The following EPB41L2 variants were observed in gnomAD, a reference collection of about 807,000 sequenced individuals.
EPB41L2 encodes the protein erythrocyte membrane protein band 4.1 like 2.
In EPB41L2, 43 loss-of-function variants were observed where a neutral mutation model predicts 113.0. The observed-to-expected ratio is 0.38, with a 90% confidence interval of 0.30 to 0.49. The LOEUF is 0.49. Among genes scored for constraint, EPB41L2 ranks in the 20% least tolerant of loss-of-function variants. The pLI is 0.95. For missense variants in EPB41L2, 1,147 were observed against 1,223.4 expected (o/e 0.94, Z 0.93); for synonymous variants, 442 against 436.7 (o/e 1.01, Z -0.15).
rs138332627 is a variant in EPB41L2, at chr6:130,866,974, T to TTG, written c.2730+483_2730+484dup. On this transcript the variant is annotated intron_variant, in intron 16 of 19. Coordinates refer to ENST00000337057, the MANE Select transcript of EPB41L2 (RefSeq NM_001431.4). Reference sequence around the variant, plus strand: ...CACAGGTGTGTGTGCCTGTGTGTGTTTGTGTGTGTGTGTGTGTGTATGTGT... The same window carrying TTG: ...CACAGGTGTGTGTGCCTGTGTGTGTTTGTGTGTGTGTGTGTGTGTGTATGTGT... 7.6e-3 allele frequency among the ~76,000 whole-genome samples: 1,135 copies of TTG among 150,050 alleles called. 7 individuals carry two copies. Among genetic ancestry groups the TTG allele is most frequent in the Non-Finnish European group, 0.01 (683 of 67,268 alleles).
chr6:131,048,138 CAAAAAAAAAA>C (rs200522047), intron 1 of EPB41L2, among the ~76,000 whole-genome samples: 1 of 53,038 alleles, frequency 1.9e-5, no homozygotes, highest in African/African-American at 5.6e-5. Flanking sequence ...GACTCTGTCT[CAAAAAAAAAA>C]AAAAAAAAAG....
At chr6:130,855,169 C>T (rs1261114455) in intron 19 of EPB41L2, among the ~76,000 whole-genome samples, 40 of 41,624 alleles carry the variant, frequency 9.6e-4, no homozygotes, top group Non-Finnish European at 2.0e-3. Context: ...GCCAACATGG[C>T]GAAACCCTGT....
In EPB41L2 at chr6:130,870,176, A is replaced by C. The variant is rs558445531; in HGVS notation, c.2044-50T>G. Reference sequence around the variant, plus strand: ...GAAAACAAAAATATATGAATAAATAAAAACAACGGAAACCCAAATTAACCG... The same window carrying C: ...GAAAACAAAAATATATGAATAAATACAAACAACGGAAACCCAAATTAACCG... On this transcript the variant is annotated intron_variant, in intron 14 of 19. Coordinates refer to ENST00000337057, the MANE Select transcript of EPB41L2 (RefSeq NM_001431.4). 9.1e-5 allele frequency: 142 copies of C among 1,559,674 alleles called. 1 individual carries two copies. The African/African-American group carries it at 1.7e-3, about 19-fold the overall frequency.
intron 13 of EPB41L2, 130 bp from the exon 14 acceptor site, chr6:130,878,380 A>G: frequency 9.5e-7 from 1 of 1,054,142 alleles, no homozygotes; most frequent in South Asian, 1.7e-5. Flanking sequence ...AAGCAAGAAA[A>G]ATGCCAAGTC....
At chr6:131,045,398 T>C (rs1795261433) in intron 1 of EPB41L2, among the ~76,000 whole-genome samples, 1 of 152,102 alleles carries the variant, frequency 6.6e-6, no homozygotes, top group East Asian at 1.9e-4. Flanking sequence ...CAGAGATTCT[T>C]CTAAGTCACT....
chr6:130,887,531 T>C (rs913189114), intron 11 of EPB41L2, among the ~76,000 whole-genome samples: 50 of 152,350 alleles, frequency 3.3e-4, no homozygotes, highest in African/African-American at 1.2e-3. Flanking sequence ...TCCAAGGCCC[T>C]GCATGATCTG....
chr6:130,924,858 G>A (rs756423883), intron 4 of EPB41L2, among the ~76,000 whole-genome samples: 8 of 152,124 alleles, frequency 5.3e-5, no homozygotes, highest in Admixed American at 3.9e-4. Context: ...TAACACACAC[G>A]TAATAAATAG....
chr6:131,009,261 T>G (rs2128723127), intron 1 of EPB41L2, among the ~76,000 whole-genome samples: 1 of 152,296 alleles, frequency 6.6e-6, no homozygotes, highest in South Asian at 2.1e-4. Context: ...TCGGCACTCA[T>G]TCACTCTCCT....
rs576670830 is a variant in EPB41L2, at chr6:130,876,840, A to G, written c.2043+1264T>C. 4.2e-5 allele frequency: 42 copies of G among 1,010,474 alleles called. No homozygotes were observed. In the East Asian group the frequency reaches 2.4e-3, roughly 57 times the overall value. 62.6% of individuals were successfully genotyped at this position (1,010,474 alleles called of 1,614,324 possible). Reference sequence around the variant, plus strand: ...ACATACATTACACCTATAGCAACACAAACACAAAATACTGACCCAGTGTGG... The same window carrying G: ...ACATACATTACACCTATAGCAACACGAACACAAAATACTGACCCAGTGTGG... On this transcript the variant is annotated intron_variant, in intron 14 of 19. Coordinates refer to ENST00000337057, the MANE Select transcript of EPB41L2 (RefSeq NM_001431.4).
At chr6:130,902,832 A>T (rs1796663247) in intron 6 of EPB41L2, among the ~76,000 whole-genome samples, 1 of 152,226 alleles carries the variant, frequency 6.6e-6, no homozygotes, top group Admixed American at 6.5e-5. Flanking sequence ...GAGCTTCCTG[A>T]ATTACCCAAC....
At chr6:131,041,108 G>T (rs770804092) in intron 1 of EPB41L2, among the ~76,000 whole-genome samples, 54 of 152,262 alleles carry the variant, frequency 3.5e-4, no homozygotes, top group Middle Eastern at 3.4e-3. Flanking sequence ...GACATCACGG[G>T]AATGACTGGA....
intron 1 of EPB41L2, among the ~76,000 whole-genome samples, chr6:131,038,981 T>G (rs1793904822): frequency 6.6e-6 from 1 of 152,196 alleles, no homozygotes; most frequent in Admixed American, 6.5e-5. Flanking sequence ...AACCAACATT[T>G]TTTTTTAAGT....
chr6:130,955,463 AG>A, intron 2 of EPB41L2, 146 bp from the exon 3 acceptor site: 1 of 842,982 alleles, frequency 1.2e-6, no homozygotes, highest in Admixed American at 2.9e-5. Flanking sequence ...AAATTCCAAT[AG>A]AAAGGATATT....
rs117884190 is a variant in EPB41L2, at chr6:130,870,067, G to A, written c.2103C>T (p.Asp701=). The change falls in exon 15 of 20, where the codon GAC becomes GAT. Residue 701 remains aspartate, a synonymous_variant. Coordinates refer to ENST00000337057, the MANE Select transcript of EPB41L2 (RefSeq NM_001431.4). ...EEKKRAEVGK[D]ERVITEEMNG... ...TCATTTCTTCTGTGATTACTCTTTC[G>A]TCTTTCCCAACCTCTGCCCGCTTCT... The A allele has an allele frequency of 1.8e-4, 297 of 1,613,754 alleles. No homozygotes were observed. The East Asian group carries it at 4.7e-3, about 26-fold the overall frequency.
chr6:131,005,177 A>G (rs895653365), intron 1 of EPB41L2, among the ~76,000 whole-genome samples: 1 of 134,512 alleles, frequency 7.4e-6, no homozygotes, highest in African/African-American at 2.5e-5. Context: ...TCTTTTACAG[A>G]GTTTTTTTTT....
chr6:130,860,938 C>A (rs1470321063), intron 18 of EPB41L2, among the ~76,000 whole-genome samples: 1 of 152,194 alleles, frequency 6.6e-6, no homozygotes, highest in Non-Finnish European at 1.5e-5. Context: ...GTATCATGAC[C>A]AGCACAGGGT....
At chr6:130,906,629 A>G (rs1797806989) in intron 5 of EPB41L2, among the ~76,000 whole-genome samples, 1 of 152,238 alleles carries the variant, frequency 6.6e-6, no homozygotes, top group Admixed American at 6.5e-5. Context: ...GTTTCAGAAA[A>G]TAAAGGTTTT....
intron 5 of EPB41L2, among the ~76,000 whole-genome samples, chr6:130,904,883 C>T (rs1471103337): frequency 2.0e-5 from 3 of 150,754 alleles, no homozygotes; most frequent in Non-Finnish European, 4.4e-5. Context: ...TCAATTTAAC[C>T]ACAGGATCTC....
At chr6:130,904,898 T>G (rs1797270201) in intron 5 of EPB41L2, among the ~76,000 whole-genome samples, 1 of 145,796 alleles carries the variant, frequency 6.9e-6, no homozygotes. Context: ...GATCTCCTGT[T>G]GCCAAATATT....
Sources: gnomAD v4.1 joint callset for allele counts (sites outside exome capture counted in the v4.1 genomes callset) on GRCh38, gnomAD v4.1.1 for gene constraint, MANE v1.5 for transcripts, NCBI Gene and HGNC (gene_info 2026-07-23, HGNC 2026-07-21) for gene names.